KATNIP: variants seen among roughly 807,000 people sequenced by gnomAD.
KATNIP encodes katanin-interacting protein.
In KATNIP, 126 loss-of-function variants were observed where a neutral mutation model predicts 174.0. The ratio of observed to expected loss-of-function variants is 0.72; its 90% CI spans 0.63 to 0.84. KATNIP has a LOEUF of 0.84. KATNIP is among the 40% of genes least tolerant of loss of function. The probability of loss-of-function intolerance (pLI) is 0.00; values close to 1 mark genes in which losing one functional copy is unlikely to be tolerated. For missense variants in KATNIP, 1,958 were observed against 2,109.7 expected (o/e 0.93, Z 1.41); for synonymous variants, 810 against 835.7 (o/e 0.97, Z 0.53).
intron 1 of KATNIP, among the ~76,000 whole-genome samples, chr16:27,563,190 G>T (rs371028769): frequency 7.9e-5 from 12 of 152,264 alleles, no homozygotes; most frequent in African/African-American, 2.9e-4. Context: ...CATGCAGAAG[G>T]TTAAGACGGA....
intron 14 of KATNIP, among the ~76,000 whole-genome samples, chr16:27,726,870 G>A (rs574721752): frequency 5.2e-4 from 79 of 152,310 alleles, no homozygotes; most frequent in African/African-American, 1.9e-3. Context: ...TGGAGCATGG[G>A]GAACAAGGAG....
At chr16:27,623,843 G>A (rs927861590) in intron 3 of KATNIP, among the ~76,000 whole-genome samples, 4 of 152,042 alleles carry the variant, frequency 2.6e-5, no homozygotes, top group African/African-American at 9.7e-5. Flanking sequence ...CAATTAAGCC[G>A]CTGCCCTCTG....
intron 5 of KATNIP, among the ~76,000 whole-genome samples, chr16:27,646,331 G>C (rs2076955145): frequency 1.3e-5 from 2 of 152,142 alleles, no homozygotes; most frequent in Admixed American, 6.5e-5. Context: ...CTCAAGAAGA[G>C]AGCACCTCTT....
chr16:27,590,034 A>AT (rs888530577), intron 2 of KATNIP, among the ~76,000 whole-genome samples: 101 of 149,202 alleles, frequency 6.8e-4, no homozygotes, highest in East Asian at 1.4e-3. Context: ...TTTATTTGTG[A>AT]TTTTTTTTTT....
chr16:27,562,224 T>C (rs932973263), intron 1 of KATNIP, among the ~76,000 whole-genome samples: 4 of 152,172 alleles, frequency 2.6e-5, no homozygotes, highest in Admixed American at 2.6e-4. Flanking sequence ...GGCGGATCAC[T>C]GAAGCCCAGA....
chr16:27,565,847 T>A (rs1007105702), intron 1 of KATNIP, among the ~76,000 whole-genome samples: 6 of 151,794 alleles, frequency 4.0e-5, no homozygotes, highest in Admixed American at 3.3e-4. Flanking sequence ...GAGATCTGTC[T>A]GCCTAGTTAT....
At chr16:27,569,431 T>C (rs1245185440) in intron 1 of KATNIP, among the ~76,000 whole-genome samples, 1 of 152,228 alleles carries the variant, frequency 6.6e-6, no homozygotes, top group Non-Finnish European at 1.5e-5. Flanking sequence ...CAGACATCTG[T>C]TCTATAAAGT....
At chr16:27,715,857 T>G (rs926589912) in intron 13 of KATNIP, among the ~76,000 whole-genome samples, 1 of 152,148 alleles carries the variant, frequency 6.6e-6, no homozygotes, top group African/African-American at 2.4e-5. Context: ...TGTAAAATGG[T>G]GCAGCCCCTG....
chr16:27,666,380 T>C (rs1183058279), intron 6 of KATNIP, among the ~76,000 whole-genome samples: 1 of 151,404 alleles, frequency 6.6e-6, no homozygotes, highest in Non-Finnish European at 1.5e-5. Flanking sequence ...AAAATTGATG[T>C]AGGGGAATGA....
intron 14 of KATNIP, among the ~76,000 whole-genome samples, chr16:27,733,937 T>G (rs1346678961): frequency 6.6e-6 from 1 of 152,082 alleles, no homozygotes; most frequent in East Asian, 1.9e-4. Flanking sequence ...ATGACACTTA[T>G]GCGGTATATA....
In KATNIP at chr16:27,749,926, A is replaced by T. The variant is rs774542383; in HGVS notation, c.2966A>T (p.His989Leu). Residue 989 changes from histidine to leucine, a missense_variant, in exon 16 of 28, where the codon CAC becomes CTC. His to Leu is a moderately conservative substitution (Grantham distance 99). This residue lies in a region of KATNIP where 1,557 missense variants were observed against 1,617.8 expected (regional missense o/e 0.96). Coordinates refer to ENST00000261588, the MANE Select transcript of KATNIP (RefSeq NM_015202.5). Reference protein sequence around the residue: ...IDIKSTWGDRHYVGLNGIEIF... With the variant: ...IDIKSTWGDRLYVGLNGIEIF... ...ATCAAGTCTACCTGGGGGGACAGAC[A>T]CTATGTCGGCCTCAACGGAATAGAA... 6.2e-7 allele frequency: 1 copy of T among 1,614,090 alleles called. No homozygotes were observed. Among genetic ancestry groups the T allele is most frequent in the African/African-American group, 1.3e-5 (1 of 74,930 alleles).
intron 14 of KATNIP, among the ~76,000 whole-genome samples, chr16:27,722,918 C>G (rs533766689): frequency 1.3e-4 from 20 of 152,302 alleles, no homozygotes; most frequent in African/African-American, 4.8e-4. Flanking sequence ...TCAAACAAAA[C>G]TCTTCTTTGG....
intron 3 of KATNIP, among the ~76,000 whole-genome samples, chr16:27,619,986 G>A (rs138403104): frequency 1.7e-4 from 26 of 152,282 alleles, no homozygotes; most frequent in African/African-American, 5.3e-4. Flanking sequence ...TGAACACCTG[G>A]GTGATTGTTT....
In KATNIP at chr16:27,734,511, C is replaced by A. The variant is rs563983613; in HGVS notation, c.1744-5530C>A. Among the ~76,000 whole-genome samples the A allele has an allele frequency of 2.0e-5, 3 of 151,614 alleles. No individual in the cohort carries two copies. In the South Asian group the frequency reaches 6.3e-4, roughly 32 times the overall value. On this transcript the variant is annotated intron_variant, in intron 14 of 27. Coordinates refer to ENST00000261588, the MANE Select transcript of KATNIP (RefSeq NM_015202.5). ...GTCAGGAGTTTGAGACCAGTCTGGCCAACATGGTGAAACCCCATCTCTACT... is the reference window on the plus strand; with the variant it reads ...GTCAGGAGTTTGAGACCAGTCTGGCAAACATGGTGAAACCCCATCTCTACT...
At chr16:27,696,007 C>A (rs1024628661) in intron 8 of KATNIP, among the ~76,000 whole-genome samples, 8 of 152,076 alleles carry the variant, frequency 5.3e-5, no homozygotes, top group South Asian at 4.1e-4. Flanking sequence ...CTTTTTAGAG[C>A]GTCATTGTAC....
At chr16:27,658,970 T>C (rs933267965) in intron 6 of KATNIP, among the ~76,000 whole-genome samples, 3 of 151,942 alleles carry the variant, frequency 2.0e-5, no homozygotes, top group African/African-American at 7.3e-5. Context: ...TTTCACCATG[T>C]TGGCCAGGCT....
Position 27,574,791 on chromosome 16 carries a change from C to CAACCTCAGGT in KATNIP, c.63+835_63+836insAACCTCAGGT, listed in dbSNP as rs1567451226. Among the ~76,000 whole-genome samples, 33 of 21,924 alleles carry CAACCTCAGGT rather than the reference C, an allele frequency of 1.5e-3. 1 individual carries two copies. The East Asian group carries it at 0.27, about 176-fold the overall frequency. 14.4% of individuals were successfully genotyped at this position (21,924 alleles called of 152,430 possible). A position where few individuals can be genotyped will look rare whatever the true frequency, so the allele number is the denominator to read the frequency against. ...GCTGGCCAGGCTGGTCTCGAACTCC[C>CAACCTCAGGT]GAGCCCGCCTCAGTCTCCCAAAGTG... On this transcript the variant is annotated intron_variant, in intron 2 of 27. Transcript: ENST00000261588.
Position 27,612,872 on chromosome 16 carries a change from G to A in KATNIP, c.64-5553G>A, listed in dbSNP as rs535925547. ...TGCCTGTAGTTTCAGCTACTCAGGAGGCTGAAGTGGGAGGATCAGTTGAGG... is the reference window on the plus strand; with the variant it reads ...TGCCTGTAGTTTCAGCTACTCAGGAAGCTGAAGTGGGAGGATCAGTTGAGG... On this transcript the variant is annotated intron_variant, in intron 2 of 27. Coordinates refer to ENST00000261588, the MANE Select transcript of KATNIP (RefSeq NM_015202.5). Among the ~76,000 whole-genome samples the A allele has an allele frequency of 2.6e-5, 4 of 152,270 alleles. No homozygotes were observed. In the East Asian group the frequency reaches 7.7e-4, roughly 29 times the overall value.
intron 2 of KATNIP, among the ~76,000 whole-genome samples, chr16:27,575,014 C>T (rs568110208): frequency 4.8e-4 from 73 of 152,298 alleles, no homozygotes; most frequent in Admixed American, 1.0e-3. Flanking sequence ...GTGCCAGGCA[C>T]CAGGGGGACC....
Sources: allele counts gnomAD v4.1 joint callset (sites outside exome capture counted in the v4.1 genomes callset), GRCh38; gene constraint gnomAD v4.1.1; regional missense constraint gnomAD v4.1.1; transcripts MANE v1.5; gene names NCBI Gene and HGNC (gene_info 2026-07-23, HGNC 2026-07-21).